Variants in RSF1 observed in about 807,000 individuals in gnomAD.
The protein encoded by RSF1 is remodeling and spacing factor 1.
RSF1 carries 13 observed loss-of-function variants against 145.2 expected under a neutral mutation model. That is an observed-to-expected ratio of 0.09 (90% CI 0.06 to 0.14). The LOEUF (loss-of-function observed/expected upper bound fraction) is 0.14. Ranked by LOEUF, RSF1 falls within the 10% of genes least tolerant of loss-of-function variation. RSF1 has a pLI of 1.00. For missense variants in RSF1, 1,517 were observed against 1,718.2 expected, an observed-to-expected ratio of 0.88 and a Z score of 2.07; for synonymous variants, 577 against 592.6, an observed-to-expected ratio of 0.97 and a Z score of 0.38.
In RSF1 at chr11:77,820,684, T is replaced by TCAC; in HGVS notation, c.28_30dup (p.Val10dup). On this transcript the variant is annotated inframe_insertion, in exon 1 of 16. Coordinates refer to ENST00000308488, the MANE Select transcript of RSF1 (RefSeq NM_016578.4). ...GAACCCGGGCAGCCCGGAGGAGCCA[T>TCAC]CACCGCCGCCGCTGCCGCCGCCGTC... 1 of 1,553,154 alleles carries TCAC rather than the reference T, an allele frequency of 6.4e-7. No homozygotes were observed.
At chr11:77,839,740 G>A in the RSF1 span, among the ~76,000 whole-genome samples, 1 of 152,090 alleles carries the variant, frequency 6.6e-6, no homozygotes, top group Non-Finnish European at 1.5e-5. Context: ...AACAGCACAT[G>A]TTCTCACTTA....
chr11:77,841,327 C>T, the RSF1 span: 8 of 670,300 alleles, frequency 1.2e-5, no homozygotes, highest in Non-Finnish European at 1.6e-5. Flanking sequence ...TATGAATTCT[C>T]CCATGCAATA....
intron 2 of RSF1, among the ~76,000 whole-genome samples, chr11:77,752,757 C>A (rs1948076909): frequency 6.6e-6 from 1 of 152,124 alleles, no homozygotes; most frequent in African/African-American, 2.4e-5. Context: ...TAACATAAGA[C>A]TGAGACCTAC....
chr11:77,843,849 C>G, the RSF1 span, among the ~76,000 whole-genome samples: 1 of 152,020 alleles, frequency 6.6e-6, no homozygotes, highest in African/African-American at 2.4e-5. Context: ...GGGGAGGCCT[C>G]ACAATCATGG....
intron 1 of RSF1, among the ~76,000 whole-genome samples, chr11:77,811,567 G>A (rs1001914212): frequency 3.3e-5 from 5 of 152,144 alleles, no homozygotes; most frequent in Admixed American, 1.3e-4. Context: ...GACTAATGAC[G>A]GGTACAGTGA....
chr11:77,700,977 T>C lies in RSF1; in HGVS notation c.2252A>G (p.Lys751Arg), dbSNP rs1349710423. 5 of 1,613,504 alleles carry C rather than the reference T, an allele frequency of 3.1e-6. No homozygotes were observed. Among genetic ancestry groups the C allele is most frequent in the Non-Finnish European group, 4.2e-6 (5 of 1,180,014 alleles). The change falls in exon 6 of 16, where the codon AAA (lysine) becomes AGA (arginine). Residue 751 changes from lysine (K) to arginine (R), a missense_variant. Coordinates refer to ENST00000308488, the MANE Select transcript of RSF1 (RefSeq NM_016578.4). The part of the protein sequence containing the change: ...SRKKKPDSPP[K>R]VLEPENKQEK... ...TTGCTTGTTTTCTGGTTCTAGAACTTTGGGGGGAGAATCGGGCTTCTTTTT... is the reference window on the plus strand; with the variant it reads ...TTGCTTGTTTTCTGGTTCTAGAACTCTGGGGGGAGAATCGGGCTTCTTTTT...
Position 77,698,544 on chromosome 11 carries a change from G to A in RSF1, c.2658C>T (p.Ile886=). Residue 886 remains isoleucine, a synonymous_variant, in exon 7 of 16, where the codon ATC becomes ATT. Coordinates refer to ENST00000308488, the MANE Select transcript of RSF1 (RefSeq NM_016578.4). ...TGCATGGTTCATCATCATCTGCTAGGATGGCTTCTTCACTTTCCTTTTCTT... is the reference window on the plus strand; with the variant it reads ...TGCATGGTTCATCATCATCTGCTAGAATGGCTTCTTCACTTTCCTTTTCTT... The part of the protein sequence containing the change: ...EEEEKESEEA[I]LADDDEPCKK... 6.2e-7 allele frequency: 1 copy of A among 1,614,082 alleles called. No homozygotes were observed. The highest frequency in any genetic ancestry group is 8.5e-7 in the Non-Finnish European group (1 of 1,180,016).
At position 77,774,146 on chromosome 11, in the gene RSF1, C is replaced by T. The variant is rs1456506913; in HGVS notation, c.188-9457G>A. ...TAAGCTCCATAAGCACAGCCACCTG[C>T]CTTTTTCATCACTGTATTCCCAGCA... On this transcript the variant is annotated intron_variant, in intron 1 of 15. Coordinates refer to ENST00000308488, the MANE Select transcript of RSF1 (RefSeq NM_016578.4). Among the ~76,000 whole-genome samples, 3 of 152,304 alleles carry T rather than the reference C, an allele frequency of 2.0e-5. No individual in the cohort carries two copies. The East Asian group carries it at 5.8e-4, about 29-fold the overall frequency.
In RSF1 at chr11:77,683,397, A is replaced by G. The variant is rs576237190; in HGVS notation, c.3065+313T>C. Among the ~76,000 whole-genome samples the G allele has an allele frequency of 2.1e-4, 31 of 150,660 alleles. 1 individual carries two copies. The South Asian group carries it at 5.7e-3, about 28-fold the overall frequency. On this transcript the variant is annotated intron_variant, in intron 11 of 15. Coordinates refer to ENST00000308488, the MANE Select transcript of RSF1 (RefSeq NM_016578.4). ...AACAGATTTACATTTGGAAAGGATC[A>G]CTCTGCTCTAAAATTATATGACTAG...
Position 77,667,394 on chromosome 11 carries a change from T to G in RSF1, c.3849A>C (p.Glu1283Asp). 1 of 1,614,088 alleles carries G rather than the reference T, an allele frequency of 6.2e-7. No individual in the cohort carries two copies. The highest frequency in any genetic ancestry group is 8.5e-7 in the Non-Finnish European group (1 of 1,180,022). The stretch of plus-strand genomic sequence containing the variant: ...CCTCTTCCTCCTCCTCCTCATCTGC[T>G]TCTGAATACTCGTCTGTGCTTCGGC... ...KRGRSTDEYS[E>D]ADEEEEEEEG... is the part of the protein sequence containing the mutation. Residue 1283 changes from glutamate (E) to aspartate (D), a missense_variant, in exon 16 of 16, where the codon GAA (glutamate) becomes GAC (aspartate). By Grantham distance (45) the Glu-to-Asp change is conservative. Coordinates refer to ENST00000308488, the MANE Select transcript of RSF1 (RefSeq NM_016578.4).
At chr11:77,867,614 C>A in the RSF1 span, among the ~76,000 whole-genome samples, 2 of 152,198 alleles carry the variant, frequency 1.3e-5, no homozygotes, top group African/African-American at 4.8e-5. Flanking sequence ...GAAAGGAATG[C>A]TTTGTCTTTG....
intron 10 of RSF1, among the ~76,000 whole-genome samples, chr11:77,684,515 C>T (rs1959951756): frequency 6.6e-6 from 1 of 152,110 alleles, no homozygotes; most frequent in Non-Finnish European, 1.5e-5. Flanking sequence ...GCTAACAACA[C>T]ATTATAAAGT....
the RSF1 span, among the ~76,000 whole-genome samples, chr11:77,843,855 C>T: frequency 6.6e-6 from 1 of 152,070 alleles, no homozygotes; most frequent in Non-Finnish European, 1.5e-5. Flanking sequence ...GCCTCACAAT[C>T]ATGGCAGAAG....
the RSF1 span, among the ~76,000 whole-genome samples, chr11:77,861,989 A>G: frequency 1.3e-5 from 2 of 152,138 alleles, no homozygotes; most frequent in Non-Finnish European, 2.9e-5. Flanking sequence ...TGCTTTCTCA[A>G]TGCCTCCCTT....
chr11:77,666,093 C>T lies in RSF1; in HGVS notation c.*824G>A, dbSNP rs1226909308. ...CCCAGGCCTTAAGAAAGACCACATTCATTTCACTAATAACTCTCCATCAGA... is the reference window on the plus strand; with the variant it reads ...CCCAGGCCTTAAGAAAGACCACATTTATTTCACTAATAACTCTCCATCAGA... On this transcript the variant is annotated 3_prime_UTR_variant, in exon 16 of 16. Coordinates refer to ENST00000308488, the MANE Select transcript of RSF1 (RefSeq NM_016578.4). 1.3e-5 allele frequency: 2 copies of T among 152,304 alleles called. No homozygotes were observed. The highest frequency in any genetic ancestry group is 3.9e-4 in the East Asian group (2 of 5,190). 9.4% of individuals were successfully genotyped at this position (152,304 alleles called of 1,614,324 possible).
At chr11:77,871,892 A>G in the RSF1 span, among the ~76,000 whole-genome samples, 2 of 152,222 alleles carry the variant, frequency 1.3e-5, no homozygotes, top group South Asian at 4.1e-4. Context: ...ACCCAAGGTT[A>G]CAGTGCTAGT....
At chr11:77,749,725 T>G (rs921117191) in intron 2 of RSF1, among the ~76,000 whole-genome samples, 1 of 152,232 alleles carries the variant, frequency 6.6e-6, no homozygotes, top group Admixed American at 6.5e-5. Flanking sequence ...ACATTTGTTT[T>G]GCAGATTTCA....
At chr11:77,784,232 G>GA (rs112667023) in intron 1 of RSF1, among the ~76,000 whole-genome samples, 5 of 152,114 alleles carry the variant, frequency 3.3e-5, no homozygotes, top group African/African-American at 9.7e-5. Flanking sequence ...AAAGTCTACT[G>GA]ACATGTCTTC....
chr11:77,698,454 TATG>T, intron 7 of RSF1, 30 bp downstream of exon 7: 1 of 1,582,830 alleles, frequency 6.3e-7, no homozygotes, highest in Non-Finnish European at 8.7e-7. Context: ...ATGTCTGTAA[TATG>T]AGTATTCTTC....
Sources: gnomAD v4.1 joint callset for allele counts (sites outside exome capture counted in the v4.1 genomes callset) on GRCh38, gnomAD v4.1.1 for gene constraint, MANE v1.5 for transcripts, NCBI Gene and HGNC (gene_info 2026-07-23, HGNC 2026-07-21) for gene names.